Variants in LAMP3 observed in about 807,000 individuals in gnomAD.
The protein encoded by LAMP3 is lysosome associated membrane protein 3.
In LAMP3, 26 loss-of-function variants were observed where a neutral mutation model predicts 34.8. The observed-to-expected ratio is 0.75, with a 90% confidence interval of 0.55 to 1.04. The LOEUF (loss-of-function observed/expected upper bound fraction) is 1.04, where lower values mean the gene tolerates loss of function less well. LAMP3 is among the 50% of genes least tolerant of loss of function. The pLI is 0.00. For missense variants in LAMP3, 495 were observed against 524.0 expected (o/e 0.94, Z 0.54); for synonymous variants, 180 against 201.9 (o/e 0.89, Z 0.92).
Position 183,124,164 on chromosome 3 carries a change from T to C in LAMP3, c.1168A>G (p.Ile390Val), listed in dbSNP as rs929780083. 2 of 1,610,070 alleles carry C rather than the reference T, an allele frequency of 1.2e-6. No homozygotes were observed. Among genetic ancestry groups the C allele is most frequent in the African/African-American group, 2.7e-5 (2 of 74,642 alleles). Residue 390 changes from isoleucine (I) to valine (V), a missense_variant, in exon 6 of 6, where the codon ATC becomes GTC. Physicochemically the swap from Ile to Val is conservative, Grantham distance 29. Transcript: ENST00000265598. ...YTIVLPVIGA[I>V]VVGLCLMGMG... ...CCCATAAGGCAGAGACCAACCACGA[T>C]GGCCCCAATCACAGGAAGCACAATT...
At chr3:183,149,557 AAAAAAAAAAAAAAAAAAATATATATATAT>A (rs1244480661) in intron 3 of LAMP3, among the ~76,000 whole-genome samples, 2 of 31,078 alleles carry the variant, frequency 6.4e-5, no homozygotes, top group African/African-American at 1.8e-4. Flanking sequence ...AAAAAAAAAA[AAAAAAAAAAAAAAAAAAATATATATATAT>A]ATATATATAT....
intron 1 of LAMP3, among the ~76,000 whole-genome samples, chr3:183,156,127 A>G (rs2108613760): frequency 6.6e-6 from 1 of 152,348 alleles, no homozygotes; most frequent in Non-Finnish European, 1.5e-5. Context: ...TGGGAGGCCA[A>G]CGTGGGCAGA....
At chr3:183,143,286 AT>A (rs75262683) in intron 3 of LAMP3, among the ~76,000 whole-genome samples, 3,040 of 152,198 alleles carry the variant, frequency 0.02, 48 homozygotes, top group South Asian at 0.028. Flanking sequence ...TTTAAAAAAA[AT>A]TTTTTTATAG....
At chr3:183,159,140 A>G (rs1540737) in intron 1 of LAMP3, among the ~76,000 whole-genome samples, 26,168 of 152,154 alleles carry the variant, frequency 0.17, 2,913 homozygotes, top group East Asian at 0.3. Context: ...TGATCTGCCT[A>G]CCTCAGACTC....
chr3:183,132,812 G>A, intron 5 of LAMP3: 1 of 985,424 alleles, frequency 1.0e-6, no homozygotes, highest in Non-Finnish European at 1.2e-6. Context: ...GAAGAAAGTG[G>A]GGCTTTACAT....
rs1467816917 is a variant in LAMP3 at position 183,135,699 on chromosome 3, G to A, written c.1117+18C>T. The A allele has an allele frequency of 1.2e-6, 2 of 1,612,292 alleles. No individual in the cohort carries two copies. The highest frequency in any genetic ancestry group is 4.5e-5 in the East Asian group (2 of 44,854). On this transcript the variant is annotated intron_variant, in intron 5 of 5. Coordinates refer to ENST00000265598, the MANE Select transcript of LAMP3 (RefSeq NM_014398.4). Reference sequence around the variant, plus strand: ...TCTCTAAAGTGTATGTTTGCAACCTGATCGACCCTTAACTTACCATTTCCA... The same window carrying A: ...TCTCTAAAGTGTATGTTTGCAACCTAATCGACCCTTAACTTACCATTTCCA...
intron 1 of LAMP3, among the ~76,000 whole-genome samples, chr3:183,157,417 T>G (rs767405516): frequency 6.6e-6 from 1 of 152,176 alleles, no homozygotes; most frequent in East Asian, 1.9e-4. Context: ...GGAGGTTGAG[T>G]GTTGTTGAAG....
intron 3 of LAMP3, among the ~76,000 whole-genome samples, chr3:183,145,434 G>C (rs1043425706): frequency 6.6e-6 from 1 of 152,190 alleles, no homozygotes; most frequent in Non-Finnish European, 1.5e-5. Flanking sequence ...CTGAGGCTCA[G>C]AGATCATGAG....
chr3:183,139,387 C>CA (rs35474952), intron 4 of LAMP3, among the ~76,000 whole-genome samples: 4,677 of 81,020 alleles, frequency 0.058, 226 homozygotes, highest in African/African-American at 0.16. Flanking sequence ...GAGACTGTCT[C>CA]AAAAAAAAAA....
chr3:183,135,950 G>T, intron 4 of LAMP3, 63 bp from the exon 5 acceptor site: 1 of 1,337,224 alleles, frequency 7.5e-7, no homozygotes, highest in East Asian at 2.3e-5. Context: ...TCCAGCTGTG[G>T]CCGGGCTGCC....
At chr3:183,145,896 C>A (rs931909809) in intron 3 of LAMP3, among the ~76,000 whole-genome samples, 1 of 152,044 alleles carries the variant, frequency 6.6e-6, no homozygotes, top group Non-Finnish European at 1.5e-5. Context: ...AGATTGAAAG[C>A]GGGAACTATA....
chr3:183,144,290 A>C (rs1358220210), intron 3 of LAMP3, among the ~76,000 whole-genome samples: 1 of 152,214 alleles, frequency 6.6e-6, no homozygotes, highest in Non-Finnish European at 1.5e-5. Context: ...ACTATATGCG[A>C]AGTCGGGGTG....
At position 183,124,772 on chromosome 3, in the gene LAMP3, C is replaced by G. The variant is rs539582378; in HGVS notation, c.1118-558G>C. ...GCTTGAACCCGGGAGGCAGAGGTTG[C>G]GGTGAGCCGAGATCACACCATTGCA... On this transcript the variant is annotated intron_variant, in intron 5 of 5. Coordinates refer to ENST00000265598, the MANE Select transcript of LAMP3 (RefSeq NM_014398.4). Among the ~76,000 whole-genome samples, 105 of 152,172 alleles carry G rather than the reference C, an allele frequency of 6.9e-4. 1 individual carries two copies. Among genetic ancestry groups the G allele is most frequent in the African/African-American group, 2.3e-3 (96 of 41,514 alleles).
Position 183,152,522 on chromosome 3 carries a change from A to G in LAMP3, c.760-19T>C, listed in dbSNP as rs201543434. On this transcript the variant is annotated intron_variant, in intron 2 of 5. Transcript: ENST00000265598. ...AAAAAACCTAAATCAAGTTAGATAG[A>G]TCAGCTAAATGAGATGTAGAGGAAA... 2.0e-3 allele frequency: 3,135 copies of G among 1,597,092 alleles called. 9 individuals carry two copies. The highest frequency in any genetic ancestry group is 2.6e-3 in the Non-Finnish European group (3,013 of 1,173,114).
chr3:183,147,174 C>T (rs1017570737), intron 3 of LAMP3, among the ~76,000 whole-genome samples: 4 of 151,960 alleles, frequency 2.6e-5, no homozygotes, highest in Admixed American at 1.3e-4. Context: ...ACCCAAGAGG[C>T]GGAGGTTGCA....
chr3:183,128,732 GGGTTTC>G (rs1461620411), intron 5 of LAMP3, among the ~76,000 whole-genome samples: 13 of 152,060 alleles, frequency 8.5e-5, no homozygotes, highest in Admixed American at 8.5e-4. Flanking sequence ...TGTAGAGATG[GGGTTTC>G]GCCATGTTGC....
At chr3:183,134,687 C>A (rs574726584) in intron 5 of LAMP3, among the ~76,000 whole-genome samples, 53 of 152,350 alleles carry the variant, frequency 3.5e-4, no homozygotes, top group African/African-American at 1.2e-3. Flanking sequence ...ATGGCCAGTC[C>A]TTCCTCTGCC....
chr3:183,133,527 T>C (rs1321878536), intron 5 of LAMP3, among the ~76,000 whole-genome samples: 1 of 152,136 alleles, frequency 6.6e-6, no homozygotes, highest in Non-Finnish European at 1.5e-5. Flanking sequence ...GCTAGTTTTT[T>C]GTATGTTTAG....
intron 3 of LAMP3, 119 bp from the exon 4 acceptor site, chr3:183,140,714 A>C (rs1720257754): frequency 1.5e-6 from 1 of 675,048 alleles, no homozygotes; most frequent in Non-Finnish European, 2.7e-6. Flanking sequence ...CTGGGGAGTT[A>C]CTTGGTACTG....
Sources: allele counts gnomAD v4.1 joint callset (sites outside exome capture counted in the v4.1 genomes callset), GRCh38; gene constraint gnomAD v4.1.1; transcripts MANE v1.5; gene names NCBI Gene and HGNC (gene_info 2026-07-23, HGNC 2026-07-21).